Variants in SHCBP1L observed in about 807,000 individuals in gnomAD.
SHCBP1L encodes testicular spindle-associated protein SHCBP1L.
A neutral mutation model predicts 62.5 loss-of-function variants in SHCBP1L; 67 were observed. The ratio of observed to expected loss-of-function variants is 1.07; its 90% CI spans 0.88 to 1.31. The LOEUF is 1.31. Among genes scored for constraint, SHCBP1L ranks in the 40% most tolerant of loss-of-function variants. The pLI is 0.00. For missense variants in SHCBP1L, 823 were observed against 809.8 expected (o/e 1.02, Z -0.20); for synonymous variants, 284 against 289.4 (o/e 0.98, Z 0.19).
At chr1:182,917,436 G>A (rs1407562880) in intron 6 of SHCBP1L, among the ~76,000 whole-genome samples, 1 of 152,176 alleles carries the variant, frequency 6.6e-6, no homozygotes, top group Admixed American at 6.5e-5. Flanking sequence ...TAGAGGTGGG[G>A]TTTCATCATG....
At chr1:182,919,801 A>C (rs1040344774) in intron 6 of SHCBP1L, among the ~76,000 whole-genome samples, 3 of 152,116 alleles carry the variant, frequency 2.0e-5, no homozygotes, top group Middle Eastern at 3.2e-3. Context: ...CATGTTTCTT[A>C]TTGTTACCAA....
chr1:182,902,646 G>A (rs1395010031), intron 9 of SHCBP1L, among the ~76,000 whole-genome samples: 2 of 152,082 alleles, frequency 1.3e-5, no homozygotes, highest in African/African-American at 2.4e-5. Flanking sequence ...GTTTTAATTG[G>A]TTAGCTTAAA....
intron 6 of SHCBP1L, among the ~76,000 whole-genome samples, chr1:182,920,271 T>C (rs1650488398): frequency 6.6e-6 from 1 of 152,100 alleles, no homozygotes; most frequent in Non-Finnish European, 1.5e-5. Context: ...GTGGGCCTGG[T>C]ACCAGCCCCC....
chr1:182,923,298 C>G (rs1217124825), intron 6 of SHCBP1L, among the ~76,000 whole-genome samples: 1 of 152,130 alleles, frequency 6.6e-6, no homozygotes, highest in Non-Finnish European at 1.5e-5. Flanking sequence ...CTGAATTCTA[C>G]CAGACGTATA....
intron 2 of SHCBP1L, chr1:182,942,031 G>A: frequency 1.5e-5 from 13 of 872,034 alleles, no homozygotes; most frequent in Non-Finnish European, 2.4e-5. Flanking sequence ...TTACAAAATA[G>A]TTGATAAAAA....
chr1:182,926,047 G>A (rs886215994), intron 6 of SHCBP1L, among the ~76,000 whole-genome samples: 8 of 152,124 alleles, frequency 5.3e-5, no homozygotes, highest in Non-Finnish European at 1.0e-4. Context: ...CAGGAGGTGG[G>A]GGAAAGGGGA....
At chr1:182,912,512 T>A (rs1650220605) in intron 6 of SHCBP1L, among the ~76,000 whole-genome samples, 1 of 151,514 alleles carries the variant, frequency 6.6e-6, no homozygotes, top group African/African-American at 2.4e-5. Context: ...TTCATCTGTA[T>A]CCTTTGTAAT....
intron 6 of SHCBP1L, among the ~76,000 whole-genome samples, chr1:182,921,618 A>G (rs1571344343): frequency 6.6e-6 from 1 of 152,218 alleles, no homozygotes; most frequent in East Asian, 1.9e-4. Context: ...CAAGAAATCC[A>G]TCTCAGGCAG....
chr1:182,943,452 TG>T (rs1429940095), intron 2 of SHCBP1L, among the ~76,000 whole-genome samples: 11 of 144,438 alleles, frequency 7.6e-5, no homozygotes, highest in Non-Finnish European at 1.5e-4. Flanking sequence ...TGTTTGTTTT[TG>T]TTTTTTTTTT....
chr1:182,911,436 A>G (rs1650185024), intron 6 of SHCBP1L, among the ~76,000 whole-genome samples: 1 of 152,206 alleles, frequency 6.6e-6, no homozygotes, highest in Admixed American at 6.5e-5. Flanking sequence ...TCCAGCTTTC[A>G]ACAAAAAAAT....
chr1:182,909,780 T>C (rs1366153360), intron 6 of SHCBP1L, among the ~76,000 whole-genome samples: 1 of 152,164 alleles, frequency 6.6e-6, no homozygotes, highest in East Asian at 1.9e-4. Flanking sequence ...GTTGGTAGTG[T>C]CAAATGCTGC....
At chr1:182,938,198 C>T (rs1220511374) in intron 5 of SHCBP1L, among the ~76,000 whole-genome samples, 2 of 151,914 alleles carry the variant, frequency 1.3e-5, no homozygotes, top group South Asian at 2.1e-4. Flanking sequence ...ACCTCCGCCT[C>T]CCAGGTTCAA....
intron 6 of SHCBP1L, among the ~76,000 whole-genome samples, chr1:182,921,858 A>C (rs1196984018): frequency 6.6e-6 from 1 of 152,218 alleles, no homozygotes; most frequent in Non-Finnish European, 1.5e-5. Flanking sequence ...ACTGCACTCC[A>C]GCCTAGGCGA....
At chr1:182,927,329 G>A (rs536493540) in intron 6 of SHCBP1L, among the ~76,000 whole-genome samples, 3 of 151,970 alleles carry the variant, frequency 2.0e-5, no homozygotes, top group Admixed American at 6.5e-5. Context: ...TGGGTATAGA[G>A]CAAGAATTCT....
At chr1:182,918,021 T>TA (rs1249314360) in intron 6 of SHCBP1L, among the ~76,000 whole-genome samples, 1 of 151,084 alleles carries the variant, frequency 6.6e-6, no homozygotes, top group Non-Finnish European at 1.5e-5. Context: ...AAGTAAAACT[T>TA]ACTGTTTGCA....
At chr1:182,927,326 A>G (rs1314815790) in intron 6 of SHCBP1L, among the ~76,000 whole-genome samples, 2 of 151,966 alleles carry the variant, frequency 1.3e-5, no homozygotes, top group Non-Finnish European at 2.9e-5. Flanking sequence ...GGGTGGGTAT[A>G]GAGCAAGAAT....
Position 182,924,835 on chromosome 1 carries a change from A to AGGAGGGAGGAAG in SHCBP1L, c.1182+4800_1182+4811dup, listed in dbSNP as rs1256941311. 2.6e-4 allele frequency among the ~76,000 whole-genome samples: 34 copies of AGGAGGGAGGAAG among 131,604 alleles called. 1 individual carries two copies. Among genetic ancestry groups the AGGAGGGAGGAAG allele is most frequent in the Middle Eastern group, 7.4e-3 (2 of 270 alleles). The allele number at this position is 131,604 out of a possible 152,430, so 86.3% of individuals were successfully genotyped here. A position where few individuals can be genotyped will look rare whatever the true frequency, so the allele number is the denominator to read the frequency against. On this transcript the variant is annotated intron_variant, in intron 6 of 9. Coordinates refer to ENST00000367547, the MANE Select transcript of SHCBP1L (RefSeq NM_030933.4). The stretch of plus-strand genomic sequence containing the variant: ...AAGGAGGGAAGAGAGGGGTGGGGGA[A>AGGAGGGAGGAAG]GGAGGGAGGAAGGGAGGGAGGAAGG...
In SHCBP1L at chr1:182,939,306, C is replaced by G; in HGVS notation, c.946G>C (p.Glu316Gln). Residue 316 changes from glutamate (E) to glutamine (Q), a missense_variant, in exon 5 of 10, where the codon GAG becomes CAG. Physicochemically the swap from Glu to Gln is conservative, Grantham distance 29. Transcript: ENST00000367547. ...TLEKYKNKRV[E>Q]LIEYQSNIKE... is the part of the protein sequence containing the mutation. ...ATATTGCTCTGATACTCAATGAGCTCGACACGTTTGTTTTTATATTTCTCC... is the reference window on the plus strand; with the variant it reads ...ATATTGCTCTGATACTCAATGAGCTGGACACGTTTGTTTTTATATTTCTCC... 6.2e-7 allele frequency: 1 copy of G among 1,613,864 alleles called. No homozygotes were observed. Among genetic ancestry groups the G allele is most frequent in the Non-Finnish European group, 8.5e-7 (1 of 1,179,914 alleles).
At chr1:182,936,680 A>C (rs142041508) in intron 5 of SHCBP1L, among the ~76,000 whole-genome samples, 2 of 152,192 alleles carry the variant, frequency 1.3e-5, no homozygotes, top group East Asian at 3.9e-4. Flanking sequence ...TATTTCAGTA[A>C]TCCATGAGCT....
Sources: gnomAD v4.1 joint callset for allele counts (sites outside exome capture counted in the v4.1 genomes callset) on GRCh38, gnomAD v4.1.1 for gene constraint, MANE v1.5 for transcripts, NCBI Gene and HGNC (gene_info 2026-07-23, HGNC 2026-07-21) for gene names.